TLE4: variants seen among roughly 807,000 people sequenced by gnomAD.
TLE4 encodes transducin-like enhancer protein 4.
TLE4 carries 8 observed loss-of-function variants against 92.8 expected under a neutral mutation model. The observed-to-expected ratio is 0.09, with a 90% CI of 0.05 to 0.16. The LOEUF (loss-of-function observed/expected upper bound fraction) is 0.16. Ranked by LOEUF, TLE4 falls within the 10% of genes least tolerant of loss-of-function variation. The pLI is 1.00. For missense variants in TLE4, 675 were observed against 997.6 expected (o/e 0.68, Z 4.36); for synonymous variants, 371 against 374.1 (o/e 0.99, Z 0.10).
rs1197107391 is a variant in TLE4 at position 79,572,109 on chromosome 9, T to A, written c.-682T>A. On this transcript the variant is annotated 5_prime_UTR_variant, in exon 1 of 20. Transcript: ENST00000376552. Reference sequence around the variant, plus strand: ...GAATTAAAAAAAAAAGCCGCAAGCGTTTCACTCTTTTATTTTTATAATCCC... The same window carrying A: ...GAATTAAAAAAAAAAGCCGCAAGCGATTCACTCTTTTATTTTTATAATCCC... The A allele has an allele frequency of 1.3e-5, 2 of 149,402 alleles. No individual in the cohort carries two copies. Among genetic ancestry groups the A allele is most frequent in the Non-Finnish European group, 3.0e-5 (2 of 67,410 alleles). The allele number at this position is 149,402 out of a possible 1,614,324, so 9.3% of individuals were successfully genotyped here. A position where few individuals can be genotyped will look rare whatever the true frequency, so the allele number is the denominator to read the frequency against.
intron 8 of TLE4, among the ~76,000 whole-genome samples, chr9:79,685,387 G>A (rs916137474): frequency 9.2e-5 from 14 of 152,130 alleles, no homozygotes; most frequent in African/African-American, 1.9e-4. Flanking sequence ...TTGGGCATGT[G>A]TGGTATTTAA....
chr9:79,648,970 C>G (rs1314190769), intron 6 of TLE4, among the ~76,000 whole-genome samples: 2 of 152,144 alleles, frequency 1.3e-5, no homozygotes, highest in African/African-American at 4.8e-5. Context: ...GGATATACAA[C>G]TGCTGCATTC....
chr9:79,673,070 G>T (rs986455907), intron 8 of TLE4, among the ~76,000 whole-genome samples: 2 of 152,164 alleles, frequency 1.3e-5, no homozygotes, highest in Admixed American at 6.5e-5. Context: ...CCAGTGAAAA[G>T]GGCACGGTTT....
intron 6 of TLE4, among the ~76,000 whole-genome samples, chr9:79,636,805 G>A (rs1349743112): frequency 6.6e-6 from 1 of 152,116 alleles, no homozygotes; most frequent in Non-Finnish European, 1.5e-5. Flanking sequence ...AGCCTAGAGC[G>A]ATAGGTATCT....
At chr9:79,708,323 G>C (rs1412108000) in intron 12 of TLE4, 73 bp downstream of exon 12, 2 of 1,530,000 alleles carry the variant, frequency 1.3e-6, no homozygotes, top group Admixed American at 1.8e-5. Context: ...AAGGAGTACA[G>C]TACATTAAAA....
At chr9:79,707,013 G>A (rs1050674633) in intron 11 of TLE4, 114 bp downstream of exon 11, 83 of 1,561,880 alleles carry the variant, frequency 5.3e-5, no homozygotes, top group Non-Finnish European at 7.1e-5. Flanking sequence ...ATTTCCAAAT[G>A]TATATATGTT....
In TLE4 at chr9:79,655,144, AATAC is replaced by A. The variant is rs200567926; in HGVS notation, c.609+1097_609+1100del. ...CGACAGAGTGAGACTCTGTCTCAAA[AATAC>A]ATACATACATACATACATACATACA... On this transcript the variant is annotated intron_variant, in intron 8 of 19. Coordinates refer to ENST00000376552, the MANE Select transcript of TLE4 (RefSeq NM_007005.6). 2.5e-3 allele frequency among the ~76,000 whole-genome samples: 386 copies of A among 152,028 alleles called. 1 individual carries two copies. The highest frequency in any genetic ancestry group is 0.024 in the Middle Eastern group (7 of 294).
chr9:79,660,753 T>C (rs767741658), intron 8 of TLE4, among the ~76,000 whole-genome samples: 6 of 152,212 alleles, frequency 3.9e-5, no homozygotes, highest in Admixed American at 1.3e-4. Flanking sequence ...TGTGTGGTAA[T>C]TGTTTGTTTG....
chr9:79,588,612 T>C (rs1033058935), intron 4 of TLE4, among the ~76,000 whole-genome samples: 1 of 152,208 alleles, frequency 6.6e-6, no homozygotes, highest in Admixed American at 6.5e-5. Flanking sequence ...TTATCACAGA[T>C]TCTACTGTTT....
intron 6 of TLE4, among the ~76,000 whole-genome samples, chr9:79,644,289 C>T (rs998912461): frequency 4.6e-5 from 7 of 152,112 alleles, no homozygotes; most frequent in African/African-American, 1.7e-4. Flanking sequence ...TTTTAAGCTT[C>T]CTGAGGCCTC....
At chr9:79,723,177 A>C in intron 19 of TLE4, 142 bp downstream of exon 19, 1 of 780,002 alleles carries the variant, frequency 1.3e-6, no homozygotes, top group Non-Finnish European at 2.0e-6. Context: ...AACTGTGTCC[A>C]AGGAGAGGTT....
intron 5 of TLE4, among the ~76,000 whole-genome samples, chr9:79,614,957 T>C (rs1010651816): frequency 6.6e-6 from 1 of 152,182 alleles, no homozygotes; most frequent in Non-Finnish European, 1.5e-5. Flanking sequence ...GCTAGTTCTG[T>C]GTATATATTT....
Position 79,725,287 on chromosome 9 carries a change from C to G in TLE4, c.*143C>G, listed in dbSNP as rs1294991974. On this transcript the variant is annotated 3_prime_UTR_variant, in exon 20 of 20. Coordinates refer to ENST00000376552, the MANE Select transcript of TLE4 (RefSeq NM_007005.6). ...GTGGAGTTTAATCCCCTTTCTTAAC[C>G]TCACTTCCCACTTGCTATTGAATTG... The G allele has an allele frequency of 6.8e-6, 4 of 583,982 alleles. No individual in the cohort carries two copies. The allele number at this position is 583,982 out of a possible 1,614,324, so 36.2% of individuals were successfully genotyped here. A position where few individuals can be genotyped will look rare whatever the true frequency, so the allele number is the denominator to read the frequency against.
intron 8 of TLE4, among the ~76,000 whole-genome samples, chr9:79,660,393 A>G (rs1471413184): frequency 2.0e-5 from 3 of 152,244 alleles, no homozygotes; most frequent in Admixed American, 6.5e-5. Flanking sequence ...AGCCAAGTAA[A>G]CACAGTGGTT....
At chr9:79,627,557 A>G in intron 6 of TLE4, 109 bp downstream of exon 6, 1 of 1,092,412 alleles carries the variant, frequency 9.2e-7, no homozygotes. Flanking sequence ...ATAGATGACT[A>G]CAAAATGAAA....
chr9:79,592,410 G>A (rs779505289), intron 4 of TLE4, among the ~76,000 whole-genome samples: 6 of 150,938 alleles, frequency 4.0e-5, no homozygotes, highest in Non-Finnish European at 7.4e-5. Context: ...TGAATAGCTG[G>A]GACTAAAGGT....
chr9:79,680,838 C>G (rs188306946), intron 8 of TLE4, among the ~76,000 whole-genome samples: 127 of 152,138 alleles, frequency 8.3e-4, no homozygotes, highest in African/African-American at 2.6e-3. Context: ...TAGCATGAAG[C>G]GTTGTTGAAT....
intron 14 of TLE4, chr9:79,718,138 T>C: frequency 2.2e-6 from 1 of 454,760 alleles, no homozygotes; most frequent in South Asian, 1.6e-5. Flanking sequence ...CTAGGATTTG[T>C]GATTGTCAAG....
rs1180224114 is a variant in TLE4, at chr9:79,668,825, C to T, written c.609+14750C>T. The stretch of plus-strand genomic sequence containing the variant: ...TTTTGTATATTCAAATGGAGAGTAG[C>T]TCAGCTGTTGTGAAGCCAGAAAATT... On this transcript the variant is annotated intron_variant, in intron 8 of 19. Coordinates refer to ENST00000376552, the MANE Select transcript of TLE4 (RefSeq NM_007005.6). The T allele has an allele frequency of 3.0e-6, 3 of 985,222 alleles. No individual in the cohort carries two copies. The African/African-American group carries it at 5.2e-5, about 17-fold the overall frequency. 61.0% of individuals were successfully genotyped at this position (985,222 alleles called of 1,614,324 possible). A position where few individuals can be genotyped will look rare whatever the true frequency, so the allele number is the denominator to read the frequency against.
Sources: allele counts gnomAD v4.1 joint callset (sites outside exome capture counted in the v4.1 genomes callset), GRCh38; gene constraint gnomAD v4.1.1; transcripts MANE v1.5; gene names NCBI Gene and HGNC (gene_info 2026-07-23, HGNC 2026-07-21).